Variants in FOXP1 observed in about 807,000 individuals in gnomAD.
FOXP1 encodes forkhead box P1.
In FOXP1, 15 loss-of-function variants were observed where a neutral mutation model predicts 98.2. The observed-to-expected ratio is 0.15, with a 90% CI of 0.10 to 0.24. FOXP1 has a LOEUF of 0.24. Ranked by LOEUF, FOXP1 falls within the 10% of genes least tolerant of loss-of-function variation. FOXP1 has a pLI of 1.00. For synonymous variants in FOXP1, 371 were observed against 314.5 expected, an observed-to-expected ratio of 1.18 and a Z score of -1.90; for missense variants, 633 against 848.5, an observed-to-expected ratio of 0.75 and a Z score of 3.15.
chr3:71,532,831 C>T (rs1466222666), intron 2 of FOXP1, among the ~76,000 whole-genome samples: 5 of 152,166 alleles, frequency 3.3e-5, no homozygotes, highest in Non-Finnish European at 7.3e-5. Flanking sequence ...CCACTCCAAC[C>T]ACATATCTAG....
intron 4 of FOXP1, among the ~76,000 whole-genome samples, chr3:71,303,829 A>C (rs2074052372): frequency 1.3e-5 from 2 of 152,154 alleles, no homozygotes; most frequent in Admixed American, 1.3e-4. Context: ...AATAGAGAAA[A>C]ACAGAGGGGA....
At chr3:71,052,104 C>T (rs1463414125) in intron 9 of FOXP1, among the ~76,000 whole-genome samples, 1 of 152,074 alleles carries the variant, frequency 6.6e-6, no homozygotes, top group Non-Finnish European at 1.5e-5. Context: ...GTTTATCCAA[C>T]CTCACAAGGG....
At chr3:71,444,761 C>G (rs1339895662) in intron 3 of FOXP1, among the ~76,000 whole-genome samples, 1 of 152,152 alleles carries the variant, frequency 6.6e-6, no homozygotes, top group South Asian at 2.1e-4. Context: ...GGCTTCTTCC[C>G]TACATCAGAT....
chr3:71,523,212 G>C (rs1184473590), intron 2 of FOXP1, among the ~76,000 whole-genome samples: 1 of 152,202 alleles, frequency 6.6e-6, no homozygotes, highest in African/African-American at 2.4e-5. Flanking sequence ...CCAGGAGGTA[G>C]GAGAAGGGCC....
chr3:71,098,411 G>A (rs935504145), intron 7 of FOXP1, among the ~76,000 whole-genome samples: 33 of 152,104 alleles, frequency 2.2e-4, no homozygotes, highest in African/African-American at 7.5e-4. Flanking sequence ...TAGTCTAACC[G>A]CACTACAGGA....
chr3:71,426,007 C>A (rs2084122010), intron 3 of FOXP1, among the ~76,000 whole-genome samples: 1 of 152,180 alleles, frequency 6.6e-6, no homozygotes. Flanking sequence ...TCATCCAGGT[C>A]TCTGCCCAGG....
chr3:71,105,122 G>C (rs2057316800), intron 7 of FOXP1, among the ~76,000 whole-genome samples: 1 of 152,142 alleles, frequency 6.6e-6, no homozygotes, highest in African/African-American at 2.4e-5. Context: ...AACCACTATG[G>C]GTGGTGACAG....
At chr3:71,494,915 T>C (rs1407895979) in intron 2 of FOXP1, among the ~76,000 whole-genome samples, 1 of 113,616 alleles carries the variant, frequency 8.8e-6, no homozygotes, top group African/African-American at 3.4e-5. Context: ...CTATGTCACA[T>C]AGAAAAAAAA....
At chr3:71,045,980 G>A (rs1483785698) in intron 10 of FOXP1, among the ~76,000 whole-genome samples, 1 of 152,096 alleles carries the variant, frequency 6.6e-6, no homozygotes, top group Non-Finnish European at 1.5e-5. Flanking sequence ...CTGCCCTTGA[G>A]GAGGCAACTC....
At chr3:70,976,833 T>A (rs1163010786) in intron 17 of FOXP1, 108 bp downstream of exon 17, 9 of 804,380 alleles carry the variant, frequency 1.1e-5, no homozygotes, top group African/African-American at 5.1e-5. Context: ...TTTAAGAGTA[T>A]CAAAACAATA....
At chr3:71,332,275 G>GT (rs2076375874) in intron 4 of FOXP1, 1 of 156,476 alleles carries the variant, frequency 6.4e-6, no homozygotes, top group Non-Finnish European at 1.4e-5. Flanking sequence ...CTTAAGAGCT[G>GT]TAACGCTCAC....
At chr3:71,442,096 T>C (rs377620013) in intron 3 of FOXP1, among the ~76,000 whole-genome samples, 28 of 152,308 alleles carry the variant, frequency 1.8e-4, no homozygotes, top group Non-Finnish European at 3.7e-4. Flanking sequence ...CTGAACCATC[T>C]AGGGAACTCA....
intron 7 of FOXP1, among the ~76,000 whole-genome samples, chr3:71,055,571 G>A (rs563944395): frequency 4.6e-5 from 7 of 152,272 alleles, no homozygotes; most frequent in East Asian, 1.9e-4. Context: ...CAGTGAACTC[G>A]CATTCAGTTT....
intron 5 of FOXP1, among the ~76,000 whole-genome samples, chr3:71,245,536 G>A (rs2067664153): frequency 6.6e-6 from 1 of 152,064 alleles, no homozygotes. Context: ...TCAATCCCTT[G>A]CAGAGATACA....
intron 5 of FOXP1, among the ~76,000 whole-genome samples, chr3:71,295,247 G>T (rs1560259838): frequency 6.6e-6 from 1 of 152,128 alleles, no homozygotes; most frequent in East Asian, 1.9e-4. Context: ...TAATTCAAAT[G>T]CTAAATACTC....
chr3:71,349,131 G>A (rs1365001247), intron 4 of FOXP1, among the ~76,000 whole-genome samples: 2 of 151,884 alleles, frequency 1.3e-5, no homozygotes, highest in Non-Finnish European at 2.9e-5. Context: ...AAAATGCAAT[G>A]CATCCATCAT....
At chr3:71,104,409 T>C (rs1451725656) in intron 7 of FOXP1, among the ~76,000 whole-genome samples, 1 of 152,224 alleles carries the variant, frequency 6.6e-6, no homozygotes, top group Non-Finnish European at 1.5e-5. Context: ...TCTGCTGCTG[T>C]TGCTGCTGCT....
At chr3:70,962,013 C>G (rs537904167) in intron 20 of FOXP1, among the ~76,000 whole-genome samples, 1 of 152,170 alleles carries the variant, frequency 6.6e-6, no homozygotes, top group African/African-American at 2.4e-5. Flanking sequence ...ACCCTACATT[C>G]TTTTAGGAAG....
At position 71,562,089 on chromosome 3, in the gene FOXP1, G is replaced by C. The variant is rs1031376605; in HGVS notation, c.-298+19460C>G. On this transcript the variant is annotated intron_variant, in intron 2 of 20. Transcript: ENST00000649528. ...TTTAAAACCAAGACTCTCCAACCAA[G>C]TCTCAGTCTTGGGCTTCTATCCTCC... 3.3e-5 allele frequency among the ~76,000 whole-genome samples: 5 copies of C among 152,148 alleles called. No individual in the cohort carries two copies. The South Asian group carries it at 1.0e-3, about 32-fold the overall frequency.
Sources: gnomAD v4.1 joint callset for allele counts (sites outside exome capture counted in the v4.1 genomes callset) on GRCh38, gnomAD v4.1.1 for gene constraint, MANE v1.5 for transcripts, NCBI Gene and HGNC (gene_info 2026-07-23, HGNC 2026-07-21) for gene names.